HDAC9: variants seen among roughly 807,000 people sequenced by gnomAD.
HDAC9 encodes histone deacetylase 9.
HDAC9 carries 41 observed loss-of-function variants against 139.4 expected under a neutral mutation model. That is an observed-to-expected ratio of 0.29 (90% confidence interval 0.23 to 0.38). The LOEUF is 0.38. Among genes scored for constraint, HDAC9 ranks in the 10% least tolerant of loss-of-function variants. The pLI, the probability that HDAC9 is intolerant of heterozygous loss-of-function variation, is 1.00. For missense variants in HDAC9, 1,147 were observed against 1,297.0 expected, an observed-to-expected ratio of 0.88 and a Z score of 1.78; for synonymous variants, 517 against 476.2, an observed-to-expected ratio of 1.09 and a Z score of -1.12.
At chr7:18,761,366 T>G (rs981501851) in intron 14 of HDAC9, among the ~76,000 whole-genome samples, 5 of 152,204 alleles carry the variant, frequency 3.3e-5, no homozygotes, top group Non-Finnish European at 7.3e-5. Context: ...GAGTCTAGAG[T>G]GTCTCAAACA....
chr7:18,195,999 A>G (rs1036379173), intron 2 of HDAC9, among the ~76,000 whole-genome samples: 3 of 151,970 alleles, frequency 2.0e-5, no homozygotes, highest in Admixed American at 6.6e-5. Context: ...CTTCTTTTAT[A>G]TTCTCTATAT....
chr7:18,285,579 C>T (rs1324681435), upstream of HDAC9, among the ~76,000 whole-genome samples: 1 of 151,950 alleles, frequency 6.6e-6, no homozygotes, highest in Non-Finnish European at 1.5e-5. Flanking sequence ...TACCAATTTA[C>T]ACTCCTACCA....
chr7:18,857,335 T>TTGTGTGTGTG (rs375575248), intron 21 of HDAC9, among the ~76,000 whole-genome samples: 8,675 of 140,464 alleles, frequency 0.062, 294 homozygotes, highest in Middle Eastern at 0.16. Flanking sequence ...TATGTTTTAG[T>TTGTGTGTGTG]TGTGTGTGTG....
chr7:18,670,492 TTTATC>T (rs1384868764), intron 12 of HDAC9, among the ~76,000 whole-genome samples: 5 of 152,120 alleles, frequency 3.3e-5, no homozygotes, highest in African/African-American at 1.2e-4. Flanking sequence ...GATGTTTACT[TTTATC>T]TATTACAAAC....
chr7:18,200,720 C>G (rs1791057999), intron 2 of HDAC9, among the ~76,000 whole-genome samples: 1 of 152,168 alleles, frequency 6.6e-6, no homozygotes, highest in African/African-American at 2.4e-5. Flanking sequence ...AGAGAAGCTA[C>G]TTTTCCTTTA....
rs532876920 is a variant in HDAC9, at chr7:18,192,190, A to G, written c.25+29841A>G. The stretch of plus-strand genomic sequence containing the variant: ...TACAAGTGACGGTAAATACTATTCT[A>G]GAAAGTTAATTTTTTTTTATTTCAG... On this transcript the variant is annotated intron_variant, in intron 2 of 12. Transcript: ENST00000417496. 4.1e-4 allele frequency among the ~76,000 whole-genome samples: 62 copies of G among 152,302 alleles called. 1 individual carries two copies. Among genetic ancestry groups the G allele is most frequent in the Non-Finnish European group, 6.2e-4 (42 of 68,024 alleles).
At chr7:18,648,404 GTGTGTA>G (rs967838107) in intron 10 of HDAC9, 56 bp from the exon 11 acceptor site, 61 of 1,235,928 alleles carry the variant, frequency 4.9e-5, no homozygotes, top group African/African-American at 4.9e-4. Flanking sequence ...AATTGTGTGT[GTGTGTA>G]TGTGTGTGTG....
intron 1 of HDAC9, among the ~76,000 whole-genome samples, chr7:18,464,139 C>G (rs901306737): frequency 2.2e-4 from 33 of 151,950 alleles, no homozygotes; most frequent in African/African-American, 7.2e-4. Flanking sequence ...TTTTATGGTG[C>G]TAATTTAACT....
chr7:18,921,447 C>T (rs1563057229), intron 22 of HDAC9, among the ~76,000 whole-genome samples: 2 of 152,180 alleles, frequency 1.3e-5, no homozygotes, highest in South Asian at 2.1e-4. Context: ...CAAAAGAAGA[C>T]ATTTATGCAG....
intron 2 of HDAC9, among the ~76,000 whole-genome samples, chr7:18,254,926 T>G (rs1795136310): frequency 6.6e-6 from 1 of 152,196 alleles, no homozygotes; most frequent in Non-Finnish European, 1.5e-5. Context: ...AAATGTAGAC[T>G]AAACATTTTT....
chr7:18,793,713 G>T lies in HDAC9; in HGVS notation c.2322+261G>T, dbSNP rs980834560. ...GCATGTAAGAGCACAGAGATAATAA[G>T]CAAAGCTATGGTTCAGGTAAAAAAT... On this transcript the variant is annotated intron_variant, in intron 17 of 25. Coordinates refer to ENST00000686413, the MANE Select transcript of HDAC9 (RefSeq NM_178425.4). Among the ~76,000 whole-genome samples, 41 of 152,124 alleles carry T rather than the reference G, an allele frequency of 2.7e-4. 1 individual carries two copies. Among genetic ancestry groups the T allele is most frequent in the Non-Finnish European group, 1.5e-4 (10 of 68,018 alleles).
rs1364441098 is a variant in HDAC9, at chr7:18,998,502, C to T, written c.*2440C>T. The T allele has an allele frequency of 2.0e-5, 3 of 152,206 alleles. No individual in the cohort carries two copies. Among genetic ancestry groups the T allele is most frequent in the Non-Finnish European group, 2.9e-5 (2 of 68,046 alleles). The allele number at this position is 152,206 out of a possible 1,614,324, so 9.4% of individuals were successfully genotyped here. ...AATGAACTGTGGAGAGGATTATCCA[C>T]AGCATGTAGTTGTAAGAACAGAATG... On this transcript the variant is annotated 3_prime_UTR_variant, in exon 26 of 26. Transcript: ENST00000686413.
At chr7:18,417,383 G>C (rs988105245) in intron 1 of HDAC9, among the ~76,000 whole-genome samples, 4 of 152,032 alleles carry the variant, frequency 2.6e-5, no homozygotes, top group African/African-American at 4.8e-5. Flanking sequence ...CTGTTTCAGT[G>C]CTGGATCATT....
chr7:18,511,245 C>T (rs867880311), intron 2 of HDAC9, among the ~76,000 whole-genome samples: 10 of 152,158 alleles, frequency 6.6e-5, no homozygotes, highest in Non-Finnish European at 1.2e-4. Flanking sequence ...AACTGATACC[C>T]GTAGTACCCC....
intron 1 of HDAC9, among the ~76,000 whole-genome samples, chr7:18,441,086 A>C (rs1791711216): frequency 6.6e-6 from 1 of 152,234 alleles, no homozygotes; most frequent in African/African-American, 2.4e-5. Flanking sequence ...TATAAAATGG[A>C]TATGATAATA....
In HDAC9 at chr7:18,654,196, C is replaced by G. The variant is rs1790311400; in HGVS notation, c.1467+5513C>G. 2.0e-5 allele frequency among the ~76,000 whole-genome samples: 3 copies of G among 152,222 alleles called. No homozygotes were observed. In the East Asian group the frequency reaches 5.8e-4, roughly 29 times the overall value. ...ACAGATACTTTATATTAGCTGTATT[C>G]TAATGTAATTCTATCCATGGCTTAC... On this transcript the variant is annotated intron_variant, in intron 11 of 25. Coordinates refer to ENST00000686413, the MANE Select transcript of HDAC9 (RefSeq NM_178425.4).
At chr7:18,746,067 C>A (rs2129145074) in intron 13 of HDAC9, among the ~76,000 whole-genome samples, 1 of 150,938 alleles carries the variant, frequency 6.6e-6, no homozygotes, top group East Asian at 2.0e-4. Flanking sequence ...GACAGGGTCT[C>A]CCTATGTTGT....
chr7:18,809,396 G>A (rs1012551131), intron 17 of HDAC9, among the ~76,000 whole-genome samples: 6 of 151,940 alleles, frequency 3.9e-5, no homozygotes, highest in African/African-American at 1.4e-4. Context: ...AAAATTAAAA[G>A]GCAACCTGTG....
At chr7:18,834,913 G>A (rs1447501915) in intron 19 of HDAC9, among the ~76,000 whole-genome samples, 1 of 152,154 alleles carries the variant, frequency 6.6e-6, no homozygotes, top group Non-Finnish European at 1.5e-5. Context: ...ATACACGTAT[G>A]TTTAGCGTTC....
Sources: allele counts gnomAD v4.1 joint callset (sites outside exome capture counted in the v4.1 genomes callset), GRCh38; gene constraint gnomAD v4.1.1; transcripts MANE v1.5; gene names NCBI Gene and HGNC (gene_info 2026-07-23, HGNC 2026-07-21).